The following SH3GL2 variants were observed in gnomAD, a reference collection of about 807,000 sequenced individuals.
SH3GL2 encodes endophilin-A1.
SH3GL2 carries 24 observed loss-of-function variants against 46.0 expected under a neutral mutation model. The ratio of observed to expected loss-of-function variants is 0.52; its 90% CI spans 0.38 to 0.73. The LOEUF (loss-of-function observed/expected upper bound fraction) is 0.73, where lower values mean the gene tolerates loss of function less well. Ranked by LOEUF, SH3GL2 falls within the 30% of genes least tolerant of loss-of-function variation. The pLI, the probability that SH3GL2 is intolerant of heterozygous loss-of-function variation, is 0.00. For synonymous variants in SH3GL2, 196 were observed against 147.1 expected, an observed-to-expected ratio of 1.33 and a Z score of -2.40; for missense variants, 413 against 424.2, an observed-to-expected ratio of 0.97 and a Z score of 0.23.
At chr9:17,680,608 G>T (rs1164692905) in intron 1 of SH3GL2, among the ~76,000 whole-genome samples, 1 of 151,932 alleles carries the variant, frequency 6.6e-6, no homozygotes, top group Non-Finnish European at 1.5e-5. Context: ...TTTTTGAAGG[G>T]TTTTTTGTGT....
intron 1 of SH3GL2, among the ~76,000 whole-genome samples, chr9:17,708,188 G>T (rs1821523828): frequency 6.6e-6 from 1 of 151,968 alleles, no homozygotes; most frequent in Non-Finnish European, 1.5e-5. Context: ...GGTCATTGCT[G>T]TTCCCAGGTT....
intron 1 of SH3GL2, among the ~76,000 whole-genome samples, chr9:17,605,371 C>G (rs1213728687): frequency 3.3e-5 from 5 of 152,124 alleles, no homozygotes; most frequent in African/African-American, 1.2e-4. Flanking sequence ...TTAGCCTTAC[C>G]TACTTCCAGA....
intron 1 of SH3GL2, among the ~76,000 whole-genome samples, chr9:17,670,066 C>A (rs1197700692): frequency 6.6e-6 from 1 of 152,130 alleles, no homozygotes; most frequent in Non-Finnish European, 1.5e-5. Flanking sequence ...GGGTGCAAAT[C>A]TCTGGAAGCC....
chr9:17,770,530 C>G (rs1294605750), intron 3 of SH3GL2, among the ~76,000 whole-genome samples: 2 of 152,136 alleles, frequency 1.3e-5, no homozygotes, highest in East Asian at 1.9e-4. Context: ...GAACCTGTGA[C>G]TTGCTGCTAA....
rs771355628 is a variant in SH3GL2, at chr9:17,791,485, G to GT, written c.728+157dup. 117 of 611,920 alleles carry GT rather than the reference G, an allele frequency of 1.9e-4. No homozygotes were observed. In the Middle Eastern group the frequency reaches 4.4e-3, roughly 23 times the overall value. 37.9% of individuals were successfully genotyped at this position (611,920 alleles called of 1,614,324 possible). On this transcript the variant is annotated intron_variant, in intron 7 of 8. Transcript: ENST00000380607. The stretch of plus-strand genomic sequence containing the variant: ...GCGCCTTGTGGATTGTTTTGATTTT[G>GT]TTTTTTCTTGTGCTTTGTTTTACGT...
intron 1 of SH3GL2, among the ~76,000 whole-genome samples, chr9:17,677,430 A>G (rs1398074946): frequency 6.6e-6 from 1 of 152,134 alleles, no homozygotes; most frequent in Non-Finnish European, 1.5e-5. Context: ...AGATTTTAGC[A>G]TTTTATAACC....
chr9:17,654,898 C>A (rs1188292421), intron 1 of SH3GL2, among the ~76,000 whole-genome samples: 1 of 152,124 alleles, frequency 6.6e-6, no homozygotes, highest in African/African-American at 2.4e-5. Context: ...TAAATTGTTG[C>A]TTTTAATGAC....
At chr9:17,632,598 A>G (rs1307776077) in intron 1 of SH3GL2, among the ~76,000 whole-genome samples, 4 of 152,160 alleles carry the variant, frequency 2.6e-5, no homozygotes, top group Non-Finnish European at 5.9e-5. Flanking sequence ...TCTTTTAATG[A>G]TTACATCCTT....
At chr9:17,660,561 A>C (rs2025559) in intron 1 of SH3GL2, among the ~76,000 whole-genome samples, 60,532 of 151,850 alleles carry the variant, frequency 0.4, 13,078 homozygotes, top group East Asian at 0.6. Context: ...TAGGCTGCTG[A>C]TGATGTAGTG....
chr9:17,659,489 C>T (rs961443271), intron 1 of SH3GL2, among the ~76,000 whole-genome samples: 2 of 151,724 alleles, frequency 1.3e-5, no homozygotes, highest in Admixed American at 1.3e-4. Context: ...GTCTTGTATT[C>T]CTGGGTTGGA....
At chr9:17,706,515 C>T (rs1011317674) in intron 1 of SH3GL2, among the ~76,000 whole-genome samples, 1 of 152,000 alleles carries the variant, frequency 6.6e-6, no homozygotes, top group African/African-American at 2.4e-5. Context: ...CTTTATTTTC[C>T]TCTTATCTTT....
At chr9:17,593,318 G>C (rs927817012) in intron 1 of SH3GL2, among the ~76,000 whole-genome samples, 1 of 151,894 alleles carries the variant, frequency 6.6e-6, no homozygotes, top group Non-Finnish European at 1.5e-5. Flanking sequence ...TTGTGGGACC[G>C]AGCCCTCAAC....
At chr9:17,792,829 G>GTGCT (rs1824171890) in intron 7 of SH3GL2, among the ~76,000 whole-genome samples, 1 of 152,188 alleles carries the variant, frequency 6.6e-6, no homozygotes, top group African/African-American at 2.4e-5. Flanking sequence ...ATCTCTGACA[G>GTGCT]TGCTTACTAA....
intron 1 of SH3GL2, among the ~76,000 whole-genome samples, chr9:17,741,237 T>C (rs1822520691): frequency 6.6e-6 from 1 of 152,210 alleles, no homozygotes; most frequent in Non-Finnish European, 1.5e-5. Context: ...AAAAGTATTA[T>C]GTTTATTTTC....
chr9:17,598,750 C>G (rs1588164164), intron 1 of SH3GL2, among the ~76,000 whole-genome samples: 1 of 152,178 alleles, frequency 6.6e-6, no homozygotes, highest in African/African-American at 2.4e-5. Flanking sequence ...TTCAGTTGGT[C>G]TCTAAATTCC....
intron 1 of SH3GL2, among the ~76,000 whole-genome samples, chr9:17,626,001 T>G (rs1819271576): frequency 6.6e-6 from 1 of 152,224 alleles, no homozygotes; most frequent in South Asian, 2.1e-4. Flanking sequence ...TTCTTCTCCT[T>G]GTCCTTTACT....
chr9:17,726,277 A>G (rs554338005), intron 1 of SH3GL2, among the ~76,000 whole-genome samples: 1 of 152,232 alleles, frequency 6.6e-6, no homozygotes, highest in Non-Finnish European at 1.5e-5. Flanking sequence ...CTGATGGGCT[A>G]ATCCTTCATT....
At chr9:17,736,468 G>A (rs1466049466) in intron 1 of SH3GL2, among the ~76,000 whole-genome samples, 2 of 152,064 alleles carry the variant, frequency 1.3e-5, no homozygotes, top group Non-Finnish European at 1.5e-5. Flanking sequence ...GACTACCTCT[G>A]CAGTCTCTTC....
chr9:17,744,572 G>T (rs528353524), intron 1 of SH3GL2, among the ~76,000 whole-genome samples: 3 of 152,118 alleles, frequency 2.0e-5, no homozygotes, highest in East Asian at 3.9e-4. Context: ...TTACTACGTT[G>T]CCCAGGCTGG....
Sources: gnomAD v4.1 joint callset for allele counts (sites outside exome capture counted in the v4.1 genomes callset) on GRCh38, gnomAD v4.1.1 for gene constraint, MANE v1.5 for transcripts, NCBI Gene and HGNC (gene_info 2026-07-23, HGNC 2026-07-21) for gene names.